The following STXBP5L variants were observed in gnomAD, a reference collection of about 807,000 sequenced individuals.
The protein encoded by STXBP5L is syntaxin binding protein 5L.
STXBP5L carries 65 observed loss-of-function variants against 144.5 expected under a neutral mutation model. The observed-to-expected ratio is 0.45, with a 90% CI of 0.37 to 0.55. The LOEUF (loss-of-function observed/expected upper bound fraction) is 0.55, where lower values mean the gene tolerates loss of function less well. Ranked by LOEUF, STXBP5L falls within the 20% of genes least tolerant of loss-of-function variation. STXBP5L has a pLI of 0.00. For synonymous variants in STXBP5L, 505 were observed against 469.6 expected, an observed-to-expected ratio of 1.08 and a Z score of -0.97; for missense variants, 1,298 against 1,405.5, an observed-to-expected ratio of 0.92 and a Z score of 1.22.
At chr3:120,980,492 A>G (rs1941645023) in intron 3 of STXBP5L, among the ~76,000 whole-genome samples, 1 of 150,776 alleles carries the variant, frequency 6.6e-6, no homozygotes. Context: ...TTGATTTAAA[A>G]TCTATTTTAT....
At chr3:121,384,610 G>A (rs2046386586) in intron 22 of STXBP5L, among the ~76,000 whole-genome samples, 1 of 152,006 alleles carries the variant, frequency 6.6e-6, no homozygotes, top group Non-Finnish European at 1.5e-5. Flanking sequence ...ACTAAATGAG[G>A]ATGGAAAAAT....
intron 5 of STXBP5L, among the ~76,000 whole-genome samples, chr3:121,081,487 TTGTC>T (rs2042245732): frequency 1.3e-5 from 2 of 152,214 alleles, no homozygotes; most frequent in Admixed American, 1.3e-4. Context: ...GTTATAGTCT[TTGTC>T]TGCTGGTTTT....
chr3:121,395,711 T>G (rs1398268138), intron 22 of STXBP5L, among the ~76,000 whole-genome samples: 1 of 152,216 alleles, frequency 6.6e-6, no homozygotes, highest in Non-Finnish European at 1.5e-5. Flanking sequence ...GAAGGAATAC[T>G]CACAGCAATG....
chr3:120,964,946 T>C (rs1364794058), intron 3 of STXBP5L, among the ~76,000 whole-genome samples: 3 of 152,200 alleles, frequency 2.0e-5, no homozygotes, highest in Non-Finnish European at 4.4e-5. Flanking sequence ...TGTATGAATC[T>C]GGGTGCTCCT....
At chr3:121,099,091 A>T (rs1576951623) in intron 5 of STXBP5L, 2 of 152,192 alleles carry the variant, frequency 1.3e-5, no homozygotes, top group African/African-American at 4.8e-5. Context: ...GGTACATTTC[A>T]CCATCAGCCT....
chr3:121,287,326 A>G (rs1459957305), intron 19 of STXBP5L, among the ~76,000 whole-genome samples: 1 of 152,246 alleles, frequency 6.6e-6, no homozygotes, highest in Non-Finnish European at 1.5e-5. Context: ...ATGATTGTCT[A>G]TGAAGAAAAC....
At chr3:121,243,782 C>T (rs192572186) in intron 14 of STXBP5L, among the ~76,000 whole-genome samples, 2 of 152,262 alleles carry the variant, frequency 1.3e-5, no homozygotes, top group Admixed American at 1.3e-4. Context: ...TATAGTAATT[C>T]TCCATCACTG....
intron 12 of STXBP5L, among the ~76,000 whole-genome samples, chr3:121,236,874 A>G (rs542255417): frequency 9.8e-5 from 15 of 152,364 alleles, no homozygotes; most frequent in African/African-American, 3.4e-4. Context: ...TTGTATAGGT[A>G]TTGGGTAAAC....
intron 3 of STXBP5L, among the ~76,000 whole-genome samples, chr3:121,037,748 C>G (rs920257340): frequency 1.5e-4 from 23 of 151,966 alleles, no homozygotes; most frequent in Admixed American, 1.5e-3. Flanking sequence ...ATTTTTTCCT[C>G]TAAATGTGTC....
intron 5 of STXBP5L, among the ~76,000 whole-genome samples, chr3:121,050,223 C>T (rs1178378305): frequency 6.6e-5 from 10 of 152,148 alleles, no homozygotes; most frequent in Non-Finnish European, 1.2e-4. Context: ...TCAGCTATCT[C>T]ACGCCAAATC....
chr3:121,214,813 C>A (rs1317853719), intron 10 of STXBP5L, among the ~76,000 whole-genome samples: 1 of 152,098 alleles, frequency 6.6e-6, no homozygotes, highest in Non-Finnish European at 1.5e-5. Context: ...GAGTTAAAGT[C>A]TCCCACTATT....
intron 3 of STXBP5L, among the ~76,000 whole-genome samples, chr3:120,960,151 G>GA (rs1268812739): frequency 2.0e-5 from 3 of 152,076 alleles, no homozygotes; most frequent in Admixed American, 2.0e-4. Context: ...AAAGATACAT[G>GA]AAAAAAATGC....
chr3:121,303,620 A>C (rs2108496618), intron 19 of STXBP5L, among the ~76,000 whole-genome samples: 1 of 152,344 alleles, frequency 6.6e-6, no homozygotes, highest in East Asian at 1.9e-4. Context: ...AAAGACTTGG[A>C]ACCAACCCAA....
At chr3:121,103,410 C>T (rs552318409) in intron 5 of STXBP5L, among the ~76,000 whole-genome samples, 7 of 152,036 alleles carry the variant, frequency 4.6e-5, no homozygotes, top group African/African-American at 1.7e-4. Flanking sequence ...AGCTGGAGGC[C>T]ATTATCTTAA....
intron 22 of STXBP5L, among the ~76,000 whole-genome samples, chr3:121,384,426 G>A (rs188613718): frequency 1.3e-5 from 2 of 152,090 alleles, no homozygotes; most frequent in South Asian, 2.1e-4. Flanking sequence ...CATTTTCGAA[G>A]ACCAAAGTGA....
intron 18 of STXBP5L, among the ~76,000 whole-genome samples, chr3:121,260,882 C>A (rs2050361767): frequency 6.6e-6 from 1 of 152,034 alleles, no homozygotes; most frequent in Non-Finnish European, 1.5e-5. Flanking sequence ...GTATTGGGTG[C>A]TTGCTTCTTT....
chr3:121,259,719 G>T (rs1577322996), intron 18 of STXBP5L, among the ~76,000 whole-genome samples: 1 of 151,274 alleles, frequency 6.6e-6, no homozygotes, highest in South Asian at 2.1e-4. Context: ...TCCATATTTG[G>T]TATCTAGTCT....
At position 121,381,277 on chromosome 3, in the gene STXBP5L, T is replaced by G. The variant is rs754383784; in HGVS notation, c.2348-16T>G. The stretch of plus-strand genomic sequence containing the variant: ...TACTAACAATTTGTGTGGTTTTTTT[T>G]TATTTATTTCCATAGAAAACCGAGA... On this transcript the variant is annotated splice_polypyrimidine_tract_variant and intron_variant, in intron 21 of 26. Transcript: ENST00000471454. 1 of 1,573,634 alleles carries G rather than the reference T, an allele frequency of 6.4e-7. No individual in the cohort carries two copies. Among genetic ancestry groups the G allele is most frequent in the Admixed American group, 2.0e-5 (1 of 49,568 alleles).
At chr3:120,959,697 G>A (rs1938519508) in intron 3 of STXBP5L, among the ~76,000 whole-genome samples, 1 of 152,192 alleles carries the variant, frequency 6.6e-6, no homozygotes, top group Non-Finnish European at 1.5e-5. Context: ...AAACTGGCTA[G>A]CCATATGTAG....
Sources: gnomAD v4.1 joint callset for allele counts (sites outside exome capture counted in the v4.1 genomes callset) on GRCh38, gnomAD v4.1.1 for gene constraint, MANE v1.5 for transcripts, NCBI Gene and HGNC (gene_info 2026-07-23, HGNC 2026-07-21) for gene names.